The following TMEM178B variants were observed in gnomAD, a reference collection of about 807,000 sequenced individuals.
The protein encoded by TMEM178B is transmembrane protein 178B.
In TMEM178B, 5 loss-of-function variants were observed where a neutral mutation model predicts 31.0. The ratio of observed to expected loss-of-function variants is 0.16; its 90% confidence interval spans 0.08 to 0.34. TMEM178B has a LOEUF of 0.34. Ranked by LOEUF, TMEM178B falls within the 10% of genes least tolerant of loss-of-function variation. The pLI, the probability that TMEM178B is intolerant of heterozygous loss-of-function variation, is 1.00. For missense variants in TMEM178B, 275 were observed against 400.3 expected (o/e 0.69, Z 2.67); for synonymous variants, 164 against 164.0 (o/e 1.00, Z 0.00).
At chr7:141,090,326 G>C (rs1224607031) in intron 1 of TMEM178B, among the ~76,000 whole-genome samples, 3 of 152,144 alleles carry the variant, frequency 2.0e-5, no homozygotes, top group Non-Finnish European at 2.9e-5. Flanking sequence ...CAGAGTGTTG[G>C]AGTTACAGGA....
At chr7:141,315,550 T>G (rs1798987584) in intron 2 of TMEM178B, among the ~76,000 whole-genome samples, 1 of 152,240 alleles carries the variant, frequency 6.6e-6, no homozygotes, top group African/African-American at 2.4e-5. Context: ...CATGAAACTT[T>G]CTATAAATAT....
At chr7:141,413,962 T>G (rs991448048) in intron 2 of TMEM178B, among the ~76,000 whole-genome samples, 5 of 152,236 alleles carry the variant, frequency 3.3e-5, no homozygotes, top group East Asian at 1.9e-4. Flanking sequence ...TTTTTCTTGC[T>G]TATTATTATC....
At chr7:141,124,793 C>T (rs1460299429) in intron 1 of TMEM178B, among the ~76,000 whole-genome samples, 1 of 151,968 alleles carries the variant, frequency 6.6e-6, no homozygotes, top group African/African-American at 2.4e-5. Flanking sequence ...TTTATTTTTT[C>T]TAAAAAAACA....
intron 3 of TMEM178B, among the ~76,000 whole-genome samples, chr7:141,462,052 C>G (rs1802067933): frequency 6.6e-6 from 1 of 152,176 alleles, no homozygotes; most frequent in African/African-American, 2.4e-5. Flanking sequence ...TTCTAACTTT[C>G]AAGCAGGGAT....
intron 2 of TMEM178B, among the ~76,000 whole-genome samples, chr7:141,408,233 C>T (rs1800920010): frequency 6.6e-6 from 1 of 152,048 alleles, no homozygotes; most frequent in Non-Finnish European, 1.5e-5. Flanking sequence ...GAGAGCTAGT[C>T]CAGGAATGTC....
At chr7:141,394,106 G>C (rs532879366) in intron 2 of TMEM178B, among the ~76,000 whole-genome samples, 1 of 151,414 alleles carries the variant, frequency 6.6e-6, no homozygotes, top group East Asian at 1.9e-4. Context: ...TGAGGATTTT[G>C]CTTTTGTGTT....
intron 2 of TMEM178B, among the ~76,000 whole-genome samples, chr7:141,367,255 G>T (rs1251196454): frequency 6.6e-6 from 1 of 151,978 alleles, no homozygotes. Context: ...TCCATTCACT[G>T]GTTCAGCAAT....
chr7:141,374,787 G>T (rs1172833111), intron 2 of TMEM178B, among the ~76,000 whole-genome samples: 1 of 152,142 alleles, frequency 6.6e-6, no homozygotes, highest in Non-Finnish European at 1.5e-5. Context: ...TTTGGTATTT[G>T]AACTAAATTT....
intron 2 of TMEM178B, among the ~76,000 whole-genome samples, chr7:141,384,159 T>G (rs971053781): frequency 7.2e-5 from 11 of 152,274 alleles, no homozygotes; most frequent in African/African-American, 1.7e-4. Context: ...TTTCTCCCAT[T>G]TTGTAGGTTG....
intron 1 of TMEM178B, among the ~76,000 whole-genome samples, chr7:141,100,544 T>C (rs905262575): frequency 1.2e-4 from 19 of 152,222 alleles, no homozygotes; most frequent in African/African-American, 4.3e-4. Flanking sequence ...CTAATCATCA[T>C]GTGTTTGTAT....
intron 1 of TMEM178B, among the ~76,000 whole-genome samples, chr7:141,106,262 G>C (rs530859626): frequency 6.6e-6 from 1 of 152,160 alleles, no homozygotes; most frequent in African/African-American, 2.4e-5. Context: ...TTCCTAGGGA[G>C]TGCATGATGC....
At chr7:141,183,698 T>TA (rs1315199505) in intron 1 of TMEM178B, among the ~76,000 whole-genome samples, 1 of 152,214 alleles carries the variant, frequency 6.6e-6, no homozygotes, top group Non-Finnish European at 1.5e-5. Flanking sequence ...TGCATTTTCT[T>TA]ACTTTTCTCA....
At chr7:141,490,811 A>T in the TMEM178B span, among the ~76,000 whole-genome samples, 1 of 152,200 alleles carries the variant, frequency 6.6e-6, no homozygotes, top group East Asian at 1.9e-4. Flanking sequence ...GCTAGGTCCT[A>T]GGCCTCATGC....
At chr7:141,456,773 G>C (rs2116712393) in intron 3 of TMEM178B, among the ~76,000 whole-genome samples, 1 of 152,334 alleles carries the variant, frequency 6.6e-6, no homozygotes, top group East Asian at 1.9e-4. Flanking sequence ...TTGGCTAGAA[G>C]AAGGTGAGAG....
chr7:141,142,620 G>A (rs1488338277), intron 1 of TMEM178B, among the ~76,000 whole-genome samples: 1 of 152,038 alleles, frequency 6.6e-6, no homozygotes, highest in Non-Finnish European at 1.5e-5. Flanking sequence ...TGTTAGCCAG[G>A]ATGGTCTCGA....
chr7:141,126,415 A>G (rs555329674), intron 1 of TMEM178B, among the ~76,000 whole-genome samples: 3 of 152,356 alleles, frequency 2.0e-5, no homozygotes, highest in East Asian at 1.9e-4. Context: ...GGTTTCCCAC[A>G]TTTATTCATT....
intron 2 of TMEM178B, among the ~76,000 whole-genome samples, chr7:141,363,180 T>C (rs183343130): frequency 1.3e-5 from 2 of 152,230 alleles, no homozygotes; most frequent in East Asian, 3.9e-4. Flanking sequence ...TTAATGTGAG[T>C]CAGCATGTTG....
chr7:141,255,818 G>T (rs1797918199), intron 2 of TMEM178B, among the ~76,000 whole-genome samples: 1 of 152,144 alleles, frequency 6.6e-6, no homozygotes, highest in East Asian at 1.9e-4. Flanking sequence ...GCCCCCCAAA[G>T]TGCTGGAATT....
At chr7:141,295,732 C>T (rs1487325263) in intron 2 of TMEM178B, among the ~76,000 whole-genome samples, 1 of 125,218 alleles carries the variant, frequency 8.0e-6, no homozygotes, top group Non-Finnish European at 1.9e-5. Flanking sequence ...TCACAAAGCA[C>T]ACGGGGGCCA....
Sources: allele counts gnomAD v4.1 joint callset (sites outside exome capture counted in the v4.1 genomes callset), GRCh38; gene constraint gnomAD v4.1.1; transcripts MANE v1.5; gene names NCBI Gene and HGNC (gene_info 2026-07-23, HGNC 2026-07-21).